The following HSPG2 variants were observed in gnomAD, a reference collection of about 807,000 sequenced individuals.
The protein encoded by HSPG2 is basement membrane-specific heparan sulfate proteoglycan core protein.
HSPG2 carries 278 observed loss-of-function variants against 526.6 expected under a neutral mutation model. That is an observed-to-expected ratio of 0.53 (90% CI 0.48 to 0.58). The LOEUF is 0.58. Among genes scored for constraint, HSPG2 ranks in the 20% least tolerant of loss-of-function variants. HSPG2 has a pLI of 0.00. For synonymous variants in HSPG2, 2,465 were observed against 2,555.4 expected (o/e 0.96, Z 1.07); for missense variants, 5,354 against 6,099.5 (o/e 0.88, Z 4.07).
chr1:21,902,890 A>G (rs970762358), intron 1 of HSPG2, among the ~76,000 whole-genome samples: 2 of 152,188 alleles, frequency 1.3e-5, no homozygotes, highest in Non-Finnish European at 2.9e-5. Flanking sequence ...TCTCTACTGT[A>G]TGCACTGGGC....
At position 21,859,902 on chromosome 1, in the gene HSPG2, G is replaced by C. The variant is rs370558075; in HGVS notation, c.5115C>G (p.Pro1705=). The part of the protein sequence containing the change: ...SLRCQVSGSP[P]HYFYWSREDG... ...CCTCACGGGACCAATAGAAGTAGTGGGGTGGGCTCCCACTGACCTGACACC... is the reference window on the plus strand; with the variant it reads ...CCTCACGGGACCAATAGAAGTAGTGCGGTGGGCTCCCACTGACCTGACACC... Residue 1705 remains proline, a synonymous_variant, in exon 41 of 97, where the codon CCC becomes CCG. Coordinates refer to ENST00000374695, the MANE Select transcript of HSPG2 (RefSeq NM_005529.7). This position sits in a 1 kb window ranked among gnomAD's most constrained non-coding sequence, Gnocchi z 5.3. 94 of 1,610,438 alleles carry C rather than the reference G, an allele frequency of 5.8e-5. 1 individual carries two copies. The highest frequency in any genetic ancestry group is 8.4e-5 in the Admixed American group (5 of 59,644).
chr1:21,855,107 AAGG>A (rs907758116), intron 47 of HSPG2, 124 bp from the exon 48 acceptor site: 5 of 1,385,134 alleles, frequency 3.6e-6, no homozygotes, highest in Non-Finnish European at 5.0e-6. Flanking sequence ...GTGGGGCATG[AAGG>A]AGGACAAACG....
Position 21,836,875 on chromosome 1 carries a change from C to T in HSPG2, c.10282G>A (p.Gly3428Ser), listed in dbSNP as rs1384200837. The change falls in exon 75 of 97, where the codon GGT becomes AGT. Residue 3428 changes from glycine to serine, a missense_variant. Transcript: ENST00000374695. ...EFHCAVPSDRGTQLRWFKEGG... is the reference protein window; with the variant it reads ...EFHCAVPSDRSTQLRWFKEGG... ...TCCTTGAACCAACGGAGCTGGGTAC[C>T]CCGGTCGCTGGGCACAGCACAGTGG... 2.5e-6 allele frequency: 4 copies of T among 1,576,456 alleles called. No individual in the cohort carries two copies. The Admixed American group carries it at 5.5e-5, about 22-fold the overall frequency.
In HSPG2 at chr1:21,875,506, A is replaced by G. The variant is rs530155939; in HGVS notation, c.3302+123T>C. On this transcript the variant is annotated intron_variant, in intron 25 of 96. Coordinates refer to ENST00000374695, the MANE Select transcript of HSPG2 (RefSeq NM_005529.7). ...AGACATTGTTAAGACTCTCCGTTTT[A>G]CAGACAGGGAAAGTGAGGCACAAAA... 7.6e-6 allele frequency: 6 copies of G among 784,880 alleles called. No homozygotes were observed. The South Asian group carries it at 8.5e-5, about 11-fold the overall frequency. 48.6% of individuals were successfully genotyped at this position (784,880 alleles called of 1,614,324 possible).
Position 21,824,382 on chromosome 1 carries a change from A to C in HSPG2, c.12745-6T>G, listed in dbSNP as rs1214591963. 17 of 1,613,714 alleles carry C rather than the reference A, an allele frequency of 1.1e-5. No individual in the cohort carries two copies. The highest frequency in any genetic ancestry group is 1.4e-5 in the Non-Finnish European group (17 of 1,179,950). ...TGGCCGGCCTCTCCCACCTCCTGCC[A>C]GGGAAGCACAGGGTCTCTGGGGTCC... On this transcript the variant is annotated splice_polypyrimidine_tract_variant and splice_region_variant and intron_variant, in intron 93 of 96. Transcript: ENST00000374695. The surrounding 1 kb of genome is among the most constrained non-coding windows in gnomAD (Gnocchi z 5.9).
chr1:21,872,802 G>C lies in HSPG2; in HGVS notation c.3889-42C>G. 2 of 1,596,836 alleles carry C rather than the reference G, an allele frequency of 1.3e-6. No individual in the cohort carries two copies. Among genetic ancestry groups the C allele is most frequent in the Non-Finnish European group, 1.7e-6 (2 of 1,172,124 alleles). The stretch of plus-strand genomic sequence containing the variant: ...AAGGAGGCAGGCAGGGGACTCAGTG[G>C]GTCTCCTGCACCCCCAGCAGCCTGA... On this transcript the variant is annotated intron_variant, in intron 31 of 96. Transcript: ENST00000374695. This position sits in a 1 kb window ranked among gnomAD's most constrained non-coding sequence, Gnocchi z 5.5.
chr1:21,829,549 G>A lies in HSPG2; in HGVS notation c.11826C>T (p.Pro3942=), dbSNP rs760805332. The A allele has an allele frequency of 6.8e-5, 110 of 1,612,216 alleles. No homozygotes were observed. The highest frequency in any genetic ancestry group is 9.0e-5 in the Non-Finnish European group (106 of 1,179,392). The part of the protein sequence containing the change: ...LSGAGSYLAL[P]ALTNTHHELR... ...GCTCGTGGTGTGTGTTGGTGAGGGC[G>A]GGCAGTGCCAGGTAGGAGCCAGCAC... Residue 3942 remains proline (P), a synonymous_variant, in exon 87 of 97, where the codon CCC becomes CCT. Coordinates refer to ENST00000374695, the MANE Select transcript of HSPG2 (RefSeq NM_005529.7).
intron 39 of HSPG2, among the ~76,000 whole-genome samples, chr1:21,860,586 G>A (rs1450836882): frequency 1.3e-5 from 2 of 152,096 alleles, no homozygotes; most frequent in Non-Finnish European, 2.9e-5. Flanking sequence ...CCGTCTCCGG[G>A]GTTCACACCA....
chr1:21,844,381 C>T lies in HSPG2; in HGVS notation c.8465-82G>A, dbSNP rs7520679. The T allele has an allele frequency of 0.057, 83,443 of 1,457,206 alleles. 2,848 individuals carry two copies. Among genetic ancestry groups the T allele is most frequent in the Non-Finnish European group, 0.067 (72,038 of 1,068,538 alleles). The allele number at this position is 1,457,206 out of a possible 1,614,324, so 90.3% of individuals were successfully genotyped here. ...TTCCCCTGGGGCCCAGATACTAGGA[C>T]CAGAGGCCATTTGGGACATGGCTTC... On this transcript the variant is annotated intron_variant, in intron 64 of 96. Coordinates refer to ENST00000374695, the MANE Select transcript of HSPG2 (RefSeq NM_005529.7).
intron 50 of HSPG2, among the ~76,000 whole-genome samples, chr1:21,853,285 C>T (rs1379122907): frequency 2.0e-5 from 3 of 152,202 alleles, no homozygotes; most frequent in Admixed American, 6.5e-5. Flanking sequence ...CCCATTGACC[C>T]ACCCATGACT....
intron 1 of HSPG2, among the ~76,000 whole-genome samples, chr1:21,925,124 C>A (rs1644151452): frequency 6.6e-6 from 1 of 152,246 alleles, no homozygotes; most frequent in South Asian, 2.1e-4. Flanking sequence ...CTATTCCCTG[C>A]TCTCTGAGCT....
Position 21,880,385 on chromosome 1 carries a change from C to T in HSPG2, c.2173G>A (p.Ala725Thr), listed in dbSNP as rs760749869. 7 of 1,614,030 alleles carry T rather than the reference C, an allele frequency of 4.3e-6. No homozygotes were observed. Among genetic ancestry groups the T allele is most frequent in the African/African-American group, 2.7e-5 (2 of 74,942 alleles). The change falls in exon 16 of 97, where the codon GCC becomes ACC. Residue 725 changes from alanine (A) to threonine (T), a missense_variant. Ala to Thr is a moderately conservative substitution (Grantham distance 58). Transcript: ENST00000374695. ...CACCTGCACTCCTCCACACTGTGGG[C>T]ACGGCCATGGCTGGTGGCATGGGTG... ...TVTHATSHGRAHSVEECRCPI... is the reference protein window; with the variant it reads ...TVTHATSHGRTHSVEECRCPI...
intron 1 of HSPG2, among the ~76,000 whole-genome samples, chr1:21,912,561 T>C (rs1487729002): frequency 1.3e-5 from 2 of 152,216 alleles, no homozygotes; most frequent in Non-Finnish European, 2.9e-5. Context: ...GAAGTGAGCA[T>C]GTTATGGGGA....
chr1:21,881,906 G>A (rs1216525431), intron 13 of HSPG2, among the ~76,000 whole-genome samples: 1 of 132,018 alleles, frequency 7.6e-6, no homozygotes, highest in Non-Finnish European at 1.5e-5. Flanking sequence ...TCACACCAGT[G>A]TACTCCAGCT....
rs1557803555 is a variant in HSPG2 at position 21,895,889 on chromosome 1, AG to A, written c.244+32del. 1.9e-6 allele frequency: 3 copies of A among 1,609,044 alleles called. No homozygotes were observed. Among genetic ancestry groups the A allele is most frequent in the Middle Eastern group, 1.7e-4 (1 of 5,748 alleles). The stretch of plus-strand genomic sequence containing the variant: ...CTCTGGGGCTTCCCTGGGGGACAGG[AG>A]GGAGACCTGCAGGAGGCCTGCAGCA... On this transcript the variant is annotated intron_variant, in intron 3 of 96. Transcript: ENST00000374695. The surrounding 1 kb of genome is among the most constrained non-coding windows in gnomAD (Gnocchi z 4.1).
chr1:21,928,787 T>G (rs1245991114), intron 1 of HSPG2, among the ~76,000 whole-genome samples: 1 of 148,152 alleles, frequency 6.7e-6, no homozygotes, highest in Non-Finnish European at 1.5e-5. Flanking sequence ...TTTGTTCTTG[T>G]TGCTCAGGCT....
rs370492823 is a variant in HSPG2 at position 21,850,163 on chromosome 1, C to T, written c.7324G>A (p.Glu2442Lys). ...TCGGCCACTTGCGAAGACGATGACTCGATCCGGACCGTGGGGGTGACCCCA... is the reference window on the plus strand; with the variant it reads ...TCGGCCACTTGCGAAGACGATGACTTGATCCGGACCGTGGGGGTGACCCCA... ...ALGVTPTVRIESSSSQVAEGQ... is the reference protein window; with the variant it reads ...ALGVTPTVRIKSSSSQVAEGQ... The change falls in exon 57 of 97, where the codon GAG becomes AAG. Residue 2442 changes from glutamate to lysine, a missense_variant. By Grantham distance (56) the Glu-to-Lys change is moderately conservative. Transcript: ENST00000374695. 6.6e-5 allele frequency: 106 copies of T among 1,613,282 alleles called. No homozygotes were observed. The highest frequency in any genetic ancestry group is 8.4e-5 in the Non-Finnish European group (99 of 1,180,046).
chr1:21,891,755 T>G (rs1471568535), intron 3 of HSPG2, among the ~76,000 whole-genome samples: 4 of 152,126 alleles, frequency 2.6e-5, no homozygotes, highest in Non-Finnish European at 5.9e-5. Flanking sequence ...GGATTACAGG[T>G]GCATGCCACC....
In HSPG2 at chr1:21,893,413, C is replaced by G. The variant is rs562121982; in HGVS notation, c.244+2509G>C. Among the ~76,000 whole-genome samples the G allele has an allele frequency of 6.6e-6, 1 of 152,204 alleles. No individual in the cohort carries two copies. Among genetic ancestry groups the G allele is most frequent in the Non-Finnish European group, 1.5e-5 (1 of 68,034 alleles). On this transcript the variant is annotated intron_variant, in intron 3 of 96. Transcript: ENST00000374695. This position sits in a 1 kb window ranked among gnomAD's most constrained non-coding sequence, Gnocchi z 4.3. ...TGGGCAGGGGCAGTGGCTGGCCTAG[C>G]CCCTGGACTCTGCAGGGAGGTGCCT...
Sources: gnomAD v4.1 joint callset for allele counts (sites outside exome capture counted in the v4.1 genomes callset) on GRCh38, gnomAD v4.1.1 for gene constraint, Gnocchi (gnomAD v3.1) non-coding constraint, MANE v1.5 for transcripts, NCBI Gene and HGNC (gene_info 2026-07-23, HGNC 2026-07-21) for gene names.